Variants in SPAG16 observed in about 807,000 individuals in gnomAD.
The protein encoded by SPAG16 is sperm-associated antigen 16 protein.
SPAG16 carries 86 observed loss-of-function variants against 80.4 expected under a neutral mutation model. The observed-to-expected ratio is 1.07, with a 90% confidence interval of 0.90 to 1.28. The LOEUF (loss-of-function observed/expected upper bound fraction) is 1.28, where lower values mean the gene tolerates loss of function less well. Among genes scored for constraint, SPAG16 ranks in the 50% most tolerant of loss-of-function variants. The pLI, the probability that SPAG16 is intolerant of heterozygous loss-of-function variation, is 0.00. For missense variants in SPAG16, 870 were observed against 765.3 expected (o/e 1.14, Z -1.61); for synonymous variants, 294 against 265.9 (o/e 1.11, Z -1.03).
intron 10 of SPAG16, among the ~76,000 whole-genome samples, chr2:213,594,664 A>G (rs2060825448): frequency 6.6e-6 from 1 of 152,140 alleles, no homozygotes; most frequent in South Asian, 2.1e-4. Context: ...TGTTATCGCA[A>G]TTCATCATTT....
intron 12 of SPAG16, among the ~76,000 whole-genome samples, chr2:213,932,172 A>T (rs1363826818): frequency 3.3e-4 from 7 of 21,208 alleles, no homozygotes; most frequent in Admixed American, 1.8e-3. Flanking sequence ...ATATATATAT[A>T]TATATATATA....
At chr2:214,367,624 T>C (rs1238941400) in intron 15 of SPAG16, among the ~76,000 whole-genome samples, 1 of 152,154 alleles carries the variant, frequency 6.6e-6, no homozygotes, top group Non-Finnish European at 1.5e-5. Flanking sequence ...TCAGGAAACA[T>C]AGATAGACTA....
chr2:213,325,663 G>A (rs2063811443), intron 5 of SPAG16, among the ~76,000 whole-genome samples: 1 of 151,314 alleles, frequency 6.6e-6, no homozygotes, highest in Admixed American at 6.6e-5. Flanking sequence ...TTTTTTGAGG[G>A]GGGAAGGATT....
chr2:213,404,940 G>T (rs1006546829), intron 9 of SPAG16, among the ~76,000 whole-genome samples: 4 of 151,948 alleles, frequency 2.6e-5, no homozygotes, highest in Admixed American at 1.3e-4. Context: ...CAAAGCTTAT[G>T]GCTGACCTAA....
At chr2:213,937,705 A>G (rs1305197839) in intron 12 of SPAG16, among the ~76,000 whole-genome samples, 1 of 151,984 alleles carries the variant, frequency 6.6e-6, no homozygotes, top group African/African-American at 2.4e-5. Flanking sequence ...AGAAATATCT[A>G]CCTTATGAAG....
At chr2:213,477,890 C>T (rs1321354605) in intron 9 of SPAG16, among the ~76,000 whole-genome samples, 4 of 152,084 alleles carry the variant, frequency 2.6e-5, no homozygotes, top group Non-Finnish European at 5.9e-5. Context: ...TTCTGTGGCC[C>T]CACCAAAATC....
intron 15 of SPAG16, among the ~76,000 whole-genome samples, chr2:214,307,330 CA>C (rs902641094): frequency 1.3e-5 from 2 of 150,986 alleles, no homozygotes; most frequent in Non-Finnish European, 3.0e-5. Flanking sequence ...TAATTTTTTC[CA>C]AAAAAACAGC....
chr2:213,703,038 A>C (rs1292503400), intron 10 of SPAG16, among the ~76,000 whole-genome samples: 1 of 152,218 alleles, frequency 6.6e-6, no homozygotes, highest in Non-Finnish European at 1.5e-5. Flanking sequence ...ATGTCCATAG[A>C]AGTGGAGGGT....
chr2:213,751,294 C>T (rs1042322309), intron 10 of SPAG16, among the ~76,000 whole-genome samples: 4 of 152,100 alleles, frequency 2.6e-5, no homozygotes, highest in African/African-American at 9.7e-5. Flanking sequence ...TGGTTGCTTG[C>T]AATATAGCCC....
rs559064978 is a variant in SPAG16 at position 213,626,556 on chromosome 2, C to T, written c.1070+136466C>T. On this transcript the variant is annotated intron_variant, in intron 10 of 15. Transcript: ENST00000331683. ...ACAAATTTAAATTTAGACAGTCTTG[C>T]TCTAGAATCACTGCTGTGTGAATCT... is the stretch of plus-strand genomic sequence containing the variant. 6.6e-5 allele frequency among the ~76,000 whole-genome samples: 10 copies of T among 151,670 alleles called. No individual in the cohort carries two copies. The East Asian group carries it at 1.9e-3, about 29-fold the overall frequency.
At chr2:214,271,585 G>A (rs1692009794) in intron 15 of SPAG16, among the ~76,000 whole-genome samples, 1 of 152,126 alleles carries the variant, frequency 6.6e-6, no homozygotes, top group African/African-American at 2.4e-5. Context: ...TGGATCACCT[G>A]AGGTCAGGAG....
intron 10 of SPAG16, among the ~76,000 whole-genome samples, chr2:213,508,429 G>A (rs541675126): frequency 5.3e-4 from 80 of 152,242 alleles, no homozygotes; most frequent in African/African-American, 1.1e-3. Flanking sequence ...AAAATTAGCC[G>A]GGCGCGGTGG....
At chr2:213,985,803 CA>C (rs1424599022) in intron 12 of SPAG16, among the ~76,000 whole-genome samples, 1 of 151,922 alleles carries the variant, frequency 6.6e-6, no homozygotes, top group Non-Finnish European at 1.5e-5. Flanking sequence ...GAAAGACAGA[CA>C]AGGAAATAGC....
At chr2:213,887,422 A>G (rs1203676383) in intron 11 of SPAG16, among the ~76,000 whole-genome samples, 1 of 151,878 alleles carries the variant, frequency 6.6e-6, no homozygotes, top group African/African-American at 2.4e-5. Flanking sequence ...CTCATATCGT[A>G]TTCGTCTGAT....
intron 3 of SPAG16, among the ~76,000 whole-genome samples, chr2:213,308,379 G>T (rs2063039158): frequency 1.3e-5 from 2 of 151,934 alleles, no homozygotes; most frequent in Admixed American, 6.6e-5. Context: ...TACAGTTTGA[G>T]TATCTTTTAT....
chr2:214,117,998 C>T (rs2054025164), intron 14 of SPAG16, among the ~76,000 whole-genome samples: 1 of 152,082 alleles, frequency 6.6e-6, no homozygotes. Context: ...GAAGTCCTAG[C>T]CAGAGCAATT....
At chr2:214,049,776 GGCA>G (rs1226019468) in intron 13 of SPAG16, among the ~76,000 whole-genome samples, 1 of 152,058 alleles carries the variant, frequency 6.6e-6, no homozygotes, top group Non-Finnish European at 1.5e-5. Context: ...ATCTCAGGAT[GGCA>G]GCACTAGGCC....
intron 15 of SPAG16, among the ~76,000 whole-genome samples, chr2:214,329,850 G>A (rs1446196489): frequency 6.6e-6 from 1 of 152,130 alleles, no homozygotes; most frequent in Non-Finnish European, 1.5e-5. Context: ...TTTTAGCAAA[G>A]GTGTCAACTT....
At chr2:214,248,006 C>T (rs1029759947) in intron 15 of SPAG16, among the ~76,000 whole-genome samples, 3 of 151,512 alleles carry the variant, frequency 2.0e-5, no homozygotes, top group Admixed American at 6.6e-5. Flanking sequence ...CCAGCAGGGA[C>T]AACAGCAAGT....
Sources: gnomAD v4.1 joint callset for allele counts (sites outside exome capture counted in the v4.1 genomes callset) on GRCh38, gnomAD v4.1.1 for gene constraint, MANE v1.5 for transcripts, NCBI Gene and HGNC (gene_info 2026-07-23, HGNC 2026-07-21) for gene names.